Variants in ITGA6 observed in about 807,000 individuals in gnomAD.
ITGA6 encodes the protein integrin alpha-6.
Under a neutral mutation model 133.6 loss-of-function variants are expected in ITGA6, and 63 were observed. The ratio of observed to expected loss-of-function variants is 0.47; its 90% CI spans 0.38 to 0.58. ITGA6 has a LOEUF of 0.58. ITGA6 is among the 20% of genes least tolerant of loss of function. The pLI is 0.00. For missense variants in ITGA6, 1,068 were observed against 1,309.4 expected (o/e 0.82, Z 2.85); for synonymous variants, 434 against 482.0 (o/e 0.90, Z 1.30).
At chr2:172,502,178 A>C (rs1227671390) in intron 25 of ITGA6, among the ~76,000 whole-genome samples, 1 of 152,214 alleles carries the variant, frequency 6.6e-6, no homozygotes, top group Admixed American at 6.5e-5. Flanking sequence ...TTGTACACAC[A>C]AAAAGAGACT....
At chr2:172,427,406 T>G (rs1683881700), upstream of ITGA6, 2 of 1,021,778 alleles carry the variant, frequency 2.0e-6, no homozygotes, top group Non-Finnish European at 2.3e-6. Flanking sequence ...CGAGCTCGCC[T>G]CCGGGGCTCC....
chr2:172,487,074 C>A lies in ITGA6; in HGVS notation c.1906C>A (p.Leu636Ile). Residue 636 changes from leucine (L) to isoleucine (I), a missense_variant, in exon 14 of 26, where the codon CTT (leucine) becomes ATT (isoleucine). Physicochemically the swap from Leu to Ile is conservative, Grantham distance 5 (BLOSUM62 2). Around this residue, in one of 3 missense-constraint regions of ITGA6, gnomAD observed 609 missense variants for 707.2 expected, o/e 0.86. Transcript: ENST00000684293. Reference protein sequence around the residue: ...CGDDNVCNSNLKLEYKFCTRE... With the variant: ...CGDDNVCNSNIKLEYKFCTRE... ...AGACGACAATGTATGTAACAGCAAC[C>A]TTAAACTAGAATATAAATTTTGCAC... The A allele has an allele frequency of 6.2e-7, 1 of 1,613,300 alleles. No individual in the cohort carries two copies. The highest frequency in any genetic ancestry group is 8.5e-7 in the Non-Finnish European group (1 of 1,179,318).
chr2:172,428,163 A>G (rs916955267), intron 1 of ITGA6, 193 bp downstream of exon 1: 1 of 314,984 alleles, frequency 3.2e-6, no homozygotes, highest in East Asian at 6.7e-5. Context: ...GCCTCCCTCC[A>G]TTCAGCTCGG....
At chr2:172,480,640 C>G (rs1285356686) in intron 11 of ITGA6, among the ~76,000 whole-genome samples, 1 of 152,152 alleles carries the variant, frequency 6.6e-6, no homozygotes, top group Non-Finnish European at 1.5e-5. Context: ...GGGCAAGTCC[C>G]TTAACATATG....
chr2:172,494,609 T>C (rs1687056627), intron 23 of ITGA6, among the ~76,000 whole-genome samples: 1 of 152,234 alleles, frequency 6.6e-6, no homozygotes, highest in Non-Finnish European at 1.5e-5. Context: ...TGCTATATTT[T>C]AGCATCAGTT....
In ITGA6 at chr2:172,505,948, AGACCTGTGTTACTAAAAAAAAGAT is replaced by A. The variant is rs1687542116; in HGVS notation, c.*1883_*1906del. On this transcript the variant is annotated 3_prime_UTR_variant, in exon 26 of 26. Coordinates refer to ENST00000684293, the MANE Select transcript of ITGA6 (RefSeq NM_000210.4). Reference sequence around the variant, plus strand: ...GAGCTGATACTTTGACAGTGTTTTTAGACCTGTGTTACTAAAAAAAAGATGAATGTCCTGAAAAGGGTGTTGGGA... The same window carrying A: ...GAGCTGATACTTTGACAGTGTTTTTAGAATGTCCTGAAAAGGGTGTTGGGA... 1 of 152,358 alleles carries A rather than the reference AGACCTGTGTTACTAAAAAAAAGAT, an allele frequency of 6.6e-6. No individual in the cohort carries two copies. The highest frequency in any genetic ancestry group is 6.6e-5 in the Admixed American group (1 of 15,266). 9.4% of individuals were successfully genotyped at this position (152,358 alleles called of 1,614,324 possible).
intron 13 of ITGA6, 134 bp downstream of exon 13, chr2:172,485,398 C>A: frequency 3.6e-6 from 3 of 832,276 alleles, no homozygotes; most frequent in Admixed American, 3.7e-5. Flanking sequence ...TTTTAATGTA[C>A]GCAAAGTTAG....
Position 172,467,468 on chromosome 2 carries a change from C to T in ITGA6, c.308-13C>T. ...GCAGTCACTTGGAAGGCTAACTATGCTCCTTTCTACAGCTGACCCCACGTC... is the reference window on the plus strand; with the variant it reads ...GCAGTCACTTGGAAGGCTAACTATGTTCCTTTCTACAGCTGACCCCACGTC... On this transcript the variant is annotated splice_polypyrimidine_tract_variant and intron_variant, in intron 2 of 25. Transcript: ENST00000684293. The T allele has an allele frequency of 6.2e-7, 1 of 1,609,064 alleles. No individual in the cohort carries two copies. Among genetic ancestry groups the T allele is most frequent in the Non-Finnish European group, 8.5e-7 (1 of 1,175,616 alleles).
intron 1 of ITGA6, among the ~76,000 whole-genome samples, chr2:172,438,432 A>C (rs1367212639): frequency 6.6e-6 from 1 of 151,846 alleles, no homozygotes; most frequent in African/African-American, 2.4e-5. Flanking sequence ...GAATAATAAT[A>C]AGTCATTAGC....
intron 1 of ITGA6, among the ~76,000 whole-genome samples, chr2:172,431,115 C>G (rs996637741): frequency 6.6e-6 from 1 of 152,152 alleles, no homozygotes; most frequent in Non-Finnish European, 1.5e-5. Flanking sequence ...GCTCCAGGCC[C>G]GCGGTCTGTT....
chr2:172,493,034 A>C (rs1182366544), intron 23 of ITGA6, among the ~76,000 whole-genome samples: 1 of 151,896 alleles, frequency 6.6e-6, no homozygotes, highest in African/African-American at 2.4e-5. Context: ...TCACCTCCTG[A>C]GTAGCTGGGA....
intron 25 of ITGA6, 70 bp downstream of exon 25, chr2:172,501,971 C>A (rs754447012): frequency 5.1e-6 from 7 of 1,362,692 alleles, no homozygotes; most frequent in Non-Finnish European, 5.1e-6. Flanking sequence ...ACTTTAAGAA[C>A]AACAGCTTGC....
rs1372559238 is a variant in ITGA6, at chr2:172,475,122, G to A, written c.1180G>A (p.Asp394Asn). The A allele has an allele frequency of 6.7e-7, 1 of 1,497,524 alleles. No homozygotes were observed. Among genetic ancestry groups the A allele is most frequent in the Non-Finnish European group, 9.3e-7 (1 of 1,073,606 alleles). The allele number at this position is 1,497,524 out of a possible 1,614,324, so 92.8% of individuals were successfully genotyped here. A position where few individuals can be genotyped will look rare whatever the true frequency, so the allele number is the denominator to read the frequency against. ...IGDINQDGYP[D>N]IAVGAPYDDL... ...AGATATTAATCAAGATGGCTACCCA[G>A]GTAGATAATAGATTATGAAATGGCT... The change falls in exon 7 of 26, where the codon GAT becomes AAT. Residue 394 changes from aspartate (D) to asparagine (N), a missense_variant and splice_region_variant. Asp to Asn is a conservative substitution (Grantham distance 23, BLOSUM62 1). Coordinates refer to ENST00000684293, the MANE Select transcript of ITGA6 (RefSeq NM_000210.4).
chr2:172,450,172 G>C (rs1465897096), intron 1 of ITGA6, among the ~76,000 whole-genome samples: 2 of 152,216 alleles, frequency 1.3e-5, no homozygotes, highest in African/African-American at 2.4e-5. Flanking sequence ...GGGCCTTGTA[G>C]AATGTGGCAG....
intron 1 of ITGA6, among the ~76,000 whole-genome samples, chr2:172,446,801 C>T (rs1379703977): frequency 1.3e-5 from 2 of 152,172 alleles, no homozygotes; most frequent in Non-Finnish European, 2.9e-5. Context: ...TTTCATTTTT[C>T]CTTGCTGCAG....
At chr2:172,459,270 A>G (rs36040769) in intron 1 of ITGA6, among the ~76,000 whole-genome samples, 33,758 of 152,052 alleles carry the variant, frequency 0.22, 3,966 homozygotes, top group East Asian at 0.29. Flanking sequence ...CTGGGGCCTC[A>G]AGGTAGGCGG....
rs750476713 is a variant in ITGA6, at chr2:172,489,542, TG to T, written c.2565del (p.Trp855CysfsTer15). ...NLGTATLNIQ[W>X]PKEISNGKWL... ...CGGCACAGCAACCTTGAACATTCAG[TG>T]GCCAAAAGAAATTAGCAATGGGAAA... On this transcript the variant is annotated frameshift_variant, in exon 20 of 26. Transcript: ENST00000684293. LOFTEE classifies it high-confidence loss of function. The T allele has an allele frequency of 2.5e-6, 4 of 1,614,042 alleles. No homozygotes were observed. In the South Asian group the frequency reaches 4.4e-5, roughly 18 times the overall value.
rs567641543 is a variant in ITGA6 at position 172,493,992 on chromosome 2, T to C, written c.2988+2469T>C. Among the ~76,000 whole-genome samples, 13 of 152,330 alleles carry C rather than the reference T, an allele frequency of 8.5e-5. No homozygotes were observed. The South Asian group carries it at 2.1e-3, about 24-fold the overall frequency. On this transcript the variant is annotated intron_variant, in intron 23 of 25. Coordinates refer to ENST00000684293, the MANE Select transcript of ITGA6 (RefSeq NM_000210.4). The stretch of plus-strand genomic sequence containing the variant: ...GGTAGATTTGTGAATGGGTTACTGG[T>C]CTCATATCTAGAACCCATGTCTTTT...
chr2:172,447,191 C>T (rs1463621145), intron 1 of ITGA6, among the ~76,000 whole-genome samples: 1 of 152,004 alleles, frequency 6.6e-6, no homozygotes, highest in Non-Finnish European at 1.5e-5. Flanking sequence ...AGGCACCACG[C>T]CTAGCCAAAT....
Sources: gnomAD v4.1 joint callset for allele counts (sites outside exome capture counted in the v4.1 genomes callset) on GRCh38, gnomAD v4.1.1 for gene constraint, gnomAD v4.1.1 regional missense constraint, MANE v1.5 for transcripts, NCBI Gene and HGNC (gene_info 2026-07-23, HGNC 2026-07-21) for gene names.